CDH12: variants seen among roughly 807,000 people sequenced by gnomAD.
CDH12 encodes cadherin-12.
In CDH12, 41 loss-of-function variants were observed where a neutral mutation model predicts 74.1. That is an observed-to-expected ratio of 0.55 (90% CI 0.43 to 0.72). The LOEUF (loss-of-function observed/expected upper bound fraction) is 0.72. Among genes scored for constraint, CDH12 ranks in the 30% least tolerant of loss-of-function variants. The probability of loss-of-function intolerance (pLI) is 0.00; values close to 1 mark genes in which losing one functional copy is unlikely to be tolerated. For synonymous variants in CDH12, 399 were observed against 355.0 expected, an observed-to-expected ratio of 1.12 and a Z score of -1.39; for missense variants, 945 against 977.2, an observed-to-expected ratio of 0.97 and a Z score of 0.44.
At chr5:22,207,378 C>T (rs187004758) in intron 4 of CDH12, among the ~76,000 whole-genome samples, 62 of 152,218 alleles carry the variant, frequency 4.1e-4, no homozygotes, top group Non-Finnish European at 2.1e-4. Flanking sequence ...GCTTTGCAGG[C>T]TCTACAATCT....
chr5:22,808,155 G>A (rs940106029), intron 1 of CDH12, among the ~76,000 whole-genome samples: 2 of 152,132 alleles, frequency 1.3e-5, no homozygotes, highest in Non-Finnish European at 2.9e-5. Context: ...ATTCTTTAGT[G>A]TGGTCTATAT....
intron 6 of CDH12, among the ~76,000 whole-genome samples, chr5:21,890,044 A>G (rs537599004): frequency 6.6e-6 from 1 of 152,300 alleles, no homozygotes; most frequent in African/African-American, 2.4e-5. Flanking sequence ...AATATGTAAA[A>G]CACATTTAAA....
chr5:22,360,866 G>C, intron 3 of CDH12, among the ~76,000 whole-genome samples: 1 of 152,078 alleles, frequency 6.6e-6, no homozygotes, highest in Non-Finnish European at 1.5e-5. Context: ...AAAGGCCTTT[G>C]ACAAAATTAA....
intron 2 of CDH12, among the ~76,000 whole-genome samples, chr5:22,417,357 G>A (rs1743441544): frequency 6.6e-6 from 1 of 152,160 alleles, no homozygotes; most frequent in Non-Finnish European, 1.5e-5. Context: ...ATGCATTGAT[G>A]CAATTACTGG....
chr5:22,208,334 G>C (rs888962061), intron 4 of CDH12, among the ~76,000 whole-genome samples: 1 of 152,146 alleles, frequency 6.6e-6, no homozygotes, highest in African/African-American at 2.4e-5. Flanking sequence ...CCTGGAATAC[G>C]ATACGGGATA....
chr5:21,995,262 TG>T (rs1736215579), intron 5 of CDH12, among the ~76,000 whole-genome samples: 1 of 151,066 alleles, frequency 6.6e-6, no homozygotes, highest in Non-Finnish European at 1.5e-5. Flanking sequence ...TCCAAACTTA[TG>T]AAGGAGGGAA....
At chr5:22,425,469 C>T (rs1294123982) in intron 2 of CDH12, among the ~76,000 whole-genome samples, 4 of 151,288 alleles carry the variant, frequency 2.6e-5, no homozygotes, top group East Asian at 1.9e-4. Context: ...TATATGAAGG[C>T]GGTGTGCTAA....
At chr5:22,535,342 G>C (rs1360131071) in intron 1 of CDH12, among the ~76,000 whole-genome samples, 1 of 151,674 alleles carries the variant, frequency 6.6e-6, no homozygotes, top group Non-Finnish European at 1.5e-5. Context: ...ATTTTTAGTA[G>C]AGACGGGGTT....
At chr5:22,444,966 T>C (rs1744767368) in intron 2 of CDH12, among the ~76,000 whole-genome samples, 1 of 152,120 alleles carries the variant, frequency 6.6e-6, no homozygotes, top group Non-Finnish European at 1.5e-5. Flanking sequence ...ATAGAAGTTA[T>C]ATTTTCTAAA....
chr5:22,009,364 C>T (rs756411998), intron 5 of CDH12, among the ~76,000 whole-genome samples: 3 of 152,188 alleles, frequency 2.0e-5, no homozygotes, highest in Admixed American at 1.3e-4. Context: ...CCTTCCTGCA[C>T]GTCCTACTTC....
At chr5:22,631,352 A>G (rs1580307) in intron 1 of CDH12, among the ~76,000 whole-genome samples, 51,315 of 152,074 alleles carry the variant, frequency 0.34, 9,149 homozygotes, top group African/African-American at 0.44. Flanking sequence ...GTACTGCAGC[A>G]CTATTCACAA....
At chr5:22,345,024 G>A (rs978602074) in intron 3 of CDH12, among the ~76,000 whole-genome samples, 2 of 152,110 alleles carry the variant, frequency 1.3e-5, no homozygotes, top group South Asian at 2.1e-4. Context: ...AAAACTGCCC[G>A]TGTTCTGACG....
At chr5:22,041,086 T>C (rs1314144543) in intron 5 of CDH12, among the ~76,000 whole-genome samples, 1 of 152,084 alleles carries the variant, frequency 6.6e-6, no homozygotes, top group Non-Finnish European at 1.5e-5. Flanking sequence ...GAGTTTTTTA[T>C]GTACCTGAAG....
chr5:21,973,287 A>T (rs546461331), intron 6 of CDH12, among the ~76,000 whole-genome samples: 1 of 152,162 alleles, frequency 6.6e-6, no homozygotes, highest in Non-Finnish European at 1.5e-5. Flanking sequence ...TGAAGGCCCA[A>T]TGGGAAATTT....
rs367545184 is a variant in CDH12 at position 22,802,730 on chromosome 5, C to T, written c.-523+50328G>A. On this transcript the variant is annotated intron_variant, in intron 1 of 14. Transcript: ENST00000382254. ...TAATTTCACCCAAGTGGCTACCAGA[C>T]CAGGTAAGTAGTGTAAATGACAACC... 2.6e-5 allele frequency among the ~76,000 whole-genome samples: 4 copies of T among 152,076 alleles called. No individual in the cohort carries two copies. The East Asian group carries it at 7.7e-4, about 29-fold the overall frequency.
intron 1 of CDH12, among the ~76,000 whole-genome samples, chr5:22,618,265 C>T (rs2126836041): frequency 6.6e-6 from 1 of 152,234 alleles, no homozygotes; most frequent in South Asian, 2.1e-4. Context: ...GCTATGACCA[C>T]AAGTTGAGAA....
chr5:21,975,086 C>T lies in CDH12; in HGVS notation c.526+5G>A. 6.3e-7 allele frequency: 1 copy of T among 1,583,938 alleles called. No homozygotes were observed. The highest frequency in any genetic ancestry group is 1.1e-5 in the South Asian group (1 of 89,312). ...ATCTCACAGAATTTTGATTTGCCTA[C>T]TCACCCACAGGAGACATTTCTGGAA... On this transcript the variant is annotated splice_donor_5th_base_variant and intron_variant, in intron 6 of 14. Transcript: ENST00000382254.
At chr5:22,654,774 G>A (rs1580855706) in intron 1 of CDH12, among the ~76,000 whole-genome samples, 1 of 151,550 alleles carries the variant, frequency 6.6e-6, no homozygotes, top group South Asian at 2.1e-4. Flanking sequence ...ACCTTTACAG[G>A]CATGCACCAC....
chr5:22,339,513 T>G (rs1432258989), intron 3 of CDH12, among the ~76,000 whole-genome samples: 1 of 152,198 alleles, frequency 6.6e-6, no homozygotes, highest in African/African-American at 2.4e-5. Flanking sequence ...TGAATTAATT[T>G]GTAGACTGAG....
Sources: gnomAD v4.1 joint callset for allele counts (sites outside exome capture counted in the v4.1 genomes callset) on GRCh38, gnomAD v4.1.1 for gene constraint, MANE v1.5 for transcripts, NCBI Gene and HGNC (gene_info 2026-07-23, HGNC 2026-07-21) for gene names.